The following JPH1 variants were observed in gnomAD, a reference collection of about 807,000 sequenced individuals.
JPH1 encodes junctophilin-1.
Under a neutral mutation model 53.6 loss-of-function variants are expected in JPH1, and 12 were observed. That is an observed-to-expected ratio of 0.22 (90% CI 0.14 to 0.36). The LOEUF (loss-of-function observed/expected upper bound fraction) is 0.36. JPH1 is among the 10% of genes least tolerant of loss of function. The pLI is 1.00. For synonymous variants in JPH1, 375 were observed against 363.8 expected (o/e 1.03, Z -0.35); for missense variants, 808 against 905.5 (o/e 0.89, Z 1.38).
intron 2 of JPH1, among the ~76,000 whole-genome samples, chr8:74,261,241 T>C (rs1210275902): frequency 3.3e-5 from 5 of 152,204 alleles, no homozygotes; most frequent in African/African-American, 1.2e-4. Flanking sequence ...ATGTAAACTA[T>C]GGACTTTAAT....
At chr8:74,285,466 C>A (rs1807136687) in intron 2 of JPH1, among the ~76,000 whole-genome samples, 1 of 151,830 alleles carries the variant, frequency 6.6e-6, no homozygotes, top group South Asian at 2.1e-4. Context: ...AAAAAAAAGC[C>A]TAGGATGCAG....
At chr8:74,310,483 T>G (rs1352269358) in intron 2 of JPH1, among the ~76,000 whole-genome samples, 1 of 152,180 alleles carries the variant, frequency 6.6e-6, no homozygotes, top group Non-Finnish European at 1.5e-5. Context: ...ACGCTAAGTG[T>G]TAACCTGCTA....
At chr8:74,287,374 G>A (rs1257573655) in intron 2 of JPH1, among the ~76,000 whole-genome samples, 1 of 151,368 alleles carries the variant, frequency 6.6e-6, no homozygotes, top group Admixed American at 6.6e-5. Flanking sequence ...GTTGCAGTGA[G>A]CCAAGATTGC....
chr8:74,254,021 G>A (rs911386541), intron 3 of JPH1, among the ~76,000 whole-genome samples: 2 of 152,054 alleles, frequency 1.3e-5, no homozygotes, highest in African/African-American at 2.4e-5. Flanking sequence ...GAAAAAGAGG[G>A]AATCCTCCCT....
intron 4 of JPH1, among the ~76,000 whole-genome samples, chr8:74,242,849 GA>G (rs1805736813): frequency 6.6e-6 from 1 of 152,214 alleles, no homozygotes; most frequent in Admixed American, 6.5e-5. Flanking sequence ...AAGAATCTGA[GA>G]ATTCCGCAAA....
At chr8:74,240,033 G>A (rs1227216039) in intron 4 of JPH1, among the ~76,000 whole-genome samples, 6 of 152,048 alleles carry the variant, frequency 3.9e-5, no homozygotes, top group South Asian at 2.1e-4. Flanking sequence ...GTGCAGTGGC[G>A]CGATCTTGGC....
At chr8:74,293,028 A>G (rs1346479609) in intron 2 of JPH1, among the ~76,000 whole-genome samples, 1 of 152,204 alleles carries the variant, frequency 6.6e-6, no homozygotes, top group African/African-American at 2.4e-5. Context: ...CGTCAAACAG[A>G]GGTGTGGTCA....
chr8:74,287,720 T>C (rs1325297527), intron 2 of JPH1, among the ~76,000 whole-genome samples: 1 of 151,944 alleles, frequency 6.6e-6, no homozygotes, highest in Non-Finnish European at 1.5e-5. Flanking sequence ...AAGGGTGAAA[T>C]TCCACTCAGT....
chr8:74,321,442 C>G lies in JPH1; in HGVS notation c.-155G>C. 3.1e-6 allele frequency: 2 copies of G among 635,088 alleles called. No individual in the cohort carries two copies. The highest frequency in any genetic ancestry group is 3.4e-5 in the South Asian group (1 of 29,376). The allele number at this position is 635,088 out of a possible 1,614,324, so 39.3% of individuals were successfully genotyped here. A position where few individuals can be genotyped will look rare whatever the true frequency, so the allele number is the denominator to read the frequency against. On this transcript the variant is annotated 5_prime_UTR_variant, in exon 1 of 6. Transcript: ENST00000342232. This position sits in a 1 kb window ranked among gnomAD's most constrained non-coding sequence, Gnocchi z 4.3. ...CCGCTCGGCTCCAGTCCGACGCCGC[C>G]CCCGTCCTCCCTCCTCTTTTGCCGC...
intron 3 of JPH1, among the ~76,000 whole-genome samples, chr8:74,251,346 C>G (rs183089403): frequency 3.3e-5 from 5 of 152,246 alleles, no homozygotes; most frequent in African/African-American, 1.2e-4. Context: ...TTAAAGCCAT[C>G]CTATTACTTA....
chr8:74,312,402 C>G (rs1808023910), intron 2 of JPH1, among the ~76,000 whole-genome samples: 1 of 152,132 alleles, frequency 6.6e-6, no homozygotes, highest in Non-Finnish European at 1.5e-5. Flanking sequence ...GTGTGCGCCA[C>G]CGTGTCCGGC....
intron 2 of JPH1, among the ~76,000 whole-genome samples, chr8:74,275,592 G>A (rs1806822614): frequency 6.6e-6 from 1 of 152,114 alleles, no homozygotes; most frequent in Non-Finnish European, 1.5e-5. Flanking sequence ...AAGCCAGCAT[G>A]ACAACGAAAA....
intron 2 of JPH1, among the ~76,000 whole-genome samples, chr8:74,286,449 A>G (rs1193868127): frequency 1.3e-5 from 2 of 152,162 alleles, no homozygotes; most frequent in Non-Finnish European, 2.9e-5. Context: ...TCTTCTAGCT[A>G]TCTTAAAAGT....
Position 74,244,619 on chromosome 8 carries a change from A to G in JPH1, c.1815T>C (p.Ala605=). ...VTKPVAKESK[A]EPKAKKSELA... The stretch of plus-strand genomic sequence containing the variant: ...GTTCAGACTTCTTAGCTTTTGGCTC[A>G]GCTTTGCTTTCTTTGGCAACTGGTT... The change falls in exon 4 of 6, where the codon GCT becomes GCC. Residue 605 remains alanine (A), a synonymous_variant. Coordinates refer to ENST00000342232, the MANE Select transcript of JPH1 (RefSeq NM_020647.4). 6.2e-7 allele frequency: 1 copy of G among 1,614,232 alleles called. No individual in the cohort carries two copies. Among genetic ancestry groups the G allele is most frequent in the Non-Finnish European group, 8.5e-7 (1 of 1,180,046 alleles).
intron 2 of JPH1, among the ~76,000 whole-genome samples, chr8:74,313,077 A>G (rs1157347673): frequency 6.6e-6 from 1 of 152,190 alleles, no homozygotes; most frequent in Non-Finnish European, 1.5e-5. Context: ...AACTCCTCCA[A>G]TGGAAACTAA....
Position 74,321,239 on chromosome 8 carries a change from C to T in JPH1, c.49G>A (p.Gly17Ser), listed in dbSNP as rs1808315399. The T allele has an allele frequency of 6.2e-7, 1 of 1,606,172 alleles. No individual in the cohort carries two copies. Among genetic ancestry groups the T allele is most frequent in the Non-Finnish European group, 8.5e-7 (1 of 1,176,628 alleles). Residue 17 changes from glycine (G) to serine (S), a missense_variant, in exon 1 of 6, where the codon GGC becomes AGC. Coordinates refer to ENST00000342232, the MANE Select transcript of JPH1 (RefSeq NM_020647.4). This position sits in a 1 kb window ranked among gnomAD's most constrained non-coding sequence, Gnocchi z 4.3. Reference protein sequence around the residue: ...DFDDGGTYCGGWEEGKAHGHG... With the variant: ...DFDDGGTYCGSWEEGKAHGHG... Reference sequence around the variant, plus strand: ...CCGTGCGCCTTGCCCTCCTCCCAGCCGCCGCAGTAGGTGCCGCCATCGTCG... The same window carrying T: ...CCGTGCGCCTTGCCCTCCTCCCAGCTGCCGCAGTAGGTGCCGCCATCGTCG...
At chr8:74,309,388 G>A (rs1214412319) in intron 2 of JPH1, among the ~76,000 whole-genome samples, 5 of 152,060 alleles carry the variant, frequency 3.3e-5, no homozygotes, top group African/African-American at 7.2e-5. Context: ...GTTCTCAGTC[G>A]CGTGAGGCCA....
chr8:74,282,566 T>TA (rs955264396), intron 2 of JPH1, among the ~76,000 whole-genome samples: 2 of 152,170 alleles, frequency 1.3e-5, no homozygotes, highest in African/African-American at 4.8e-5. Flanking sequence ...CACAGAAAGG[T>TA]AAATACCACA....
chr8:74,262,057 A>T (rs146541075), intron 2 of JPH1, among the ~76,000 whole-genome samples: 68 of 152,296 alleles, frequency 4.5e-4, no homozygotes, highest in African/African-American at 1.5e-3. Flanking sequence ...GTTTCCTATA[A>T]GACCACACAG....
Sources: allele counts gnomAD v4.1 joint callset (sites outside exome capture counted in the v4.1 genomes callset), GRCh38; gene constraint gnomAD v4.1.1; non-coding constraint Gnocchi (gnomAD v3.1); transcripts MANE v1.5; gene names NCBI Gene and HGNC (gene_info 2026-07-23, HGNC 2026-07-21).